CHN2: variants seen among roughly 807,000 people sequenced by gnomAD.
CHN2 encodes the protein chimerin 2.
In CHN2, 35 loss-of-function variants were observed where a neutral mutation model predicts 56.3. The observed-to-expected ratio is 0.62, with a 90% CI of 0.47 to 0.82. CHN2 has a LOEUF of 0.82. Ranked by LOEUF, CHN2 falls within the 40% of genes least tolerant of loss-of-function variation. CHN2 has a pLI of 0.00. For missense variants in CHN2, 491 were observed against 580.5 expected, an observed-to-expected ratio of 0.85 and a Z score of 1.58; for synonymous variants, 210 against 212.8, an observed-to-expected ratio of 0.99 and a Z score of 0.12.
At chr7:29,496,152 G>A (rs895774473) in intron 8 of CHN2, 116 bp downstream of exon 8, 12 of 775,868 alleles carry the variant, frequency 1.5e-5, no homozygotes, top group Non-Finnish European at 2.4e-5. Flanking sequence ...CTAGCCTTCT[G>A]CAGGGTTCAA....
chr7:29,281,455 A>T (rs760379735), intron 1 of CHN2, among the ~76,000 whole-genome samples: 4 of 152,198 alleles, frequency 2.6e-5, no homozygotes, highest in Admixed American at 6.5e-5. Context: ...TTTCACACAC[A>T]TGTGAGTGTA....
chr7:29,492,389 T>C (rs1788762490), intron 7 of CHN2, among the ~76,000 whole-genome samples: 1 of 152,202 alleles, frequency 6.6e-6, no homozygotes, highest in Non-Finnish European at 1.5e-5. Flanking sequence ...ATTTAGCTTT[T>C]TTTTAATCTG....
intron 7 of CHN2, chr7:29,483,794 C>T (rs371977194): frequency 8.7e-6 from 10 of 1,148,860 alleles, no homozygotes; most frequent in Non-Finnish European, 7.6e-6. Flanking sequence ...TCGGCTTGCT[C>T]GGCTTCCTGC....
intron 6 of CHN2, among the ~76,000 whole-genome samples, chr7:29,426,605 G>T (rs184219705): frequency 6.6e-6 from 1 of 152,222 alleles, no homozygotes; most frequent in Non-Finnish European, 1.5e-5. Context: ...GTTTTCTATT[G>T]CTGTGTAACA....
intron 1 of CHN2, among the ~76,000 whole-genome samples, chr7:29,331,017 CAG>C (rs2128903807): frequency 6.6e-6 from 1 of 152,304 alleles, no homozygotes; most frequent in South Asian, 2.1e-4. Context: ...GGAACAGAGA[CAG>C]AGTTATGGAA....
At chr7:29,353,815 A>G (rs1040175315) in intron 1 of CHN2, among the ~76,000 whole-genome samples, 1 of 152,164 alleles carries the variant, frequency 6.6e-6, no homozygotes, top group Non-Finnish European at 1.5e-5. Context: ...TTGGAAAAAA[A>G]GGATTTTTTT....
At chr7:29,345,089 C>T (rs1216626992) in intron 1 of CHN2, among the ~76,000 whole-genome samples, 1 of 152,198 alleles carries the variant, frequency 6.6e-6, no homozygotes, top group Non-Finnish European at 1.5e-5. Flanking sequence ...CTGGGCTCCC[C>T]TCTCCAGGCC....
chr7:29,449,195 C>T (rs1784231996), intron 6 of CHN2, among the ~76,000 whole-genome samples: 1 of 152,024 alleles, frequency 6.6e-6, no homozygotes, highest in African/African-American at 2.4e-5. Flanking sequence ...AGCAGAACAA[C>T]TTAGGAATTG....
chr7:29,501,426 T>G (rs551835862), intron 9 of CHN2, among the ~76,000 whole-genome samples: 12 of 152,224 alleles, frequency 7.9e-5, no homozygotes, highest in Admixed American at 2.6e-4. Flanking sequence ...GCCCTGCAGT[T>G]TGGGGTCAGA....
chr7:29,507,394 C>A, intron 11 of CHN2, 29 bp downstream of exon 11: 1 of 1,550,942 alleles, frequency 6.4e-7, no homozygotes, highest in Non-Finnish European at 8.8e-7. Flanking sequence ...TTTTTTATTT[C>A]TACCAAATTT....
rs541792526 is a variant in CHN2, at chr7:29,442,934, C to CTTTTTTTTTTTTTTTTTTTTTTTT, written c.577-37328_577-37327insTTTTTTTTTTTTTTTTTTTTTTTT. On this transcript the variant is annotated intron_variant, in intron 6 of 12. Transcript: ENST00000222792. ...CATCGCTTTCAATTTCATTGAATTT[C>CTTTTTTTTTTTTTTTTTTTTTTTT]TTTTTTTTTTTTTTTTTGAGACGGA... Among the ~76,000 whole-genome samples, 33 of 103,056 alleles carry CTTTTTTTTTTTTTTTTTTTTTTTT rather than the reference C, an allele frequency of 3.2e-4. 3 individuals are homozygous for CTTTTTTTTTTTTTTTTTTTTTTTT. The highest frequency in any genetic ancestry group is 6.4e-4 in the South Asian group (2 of 3,120). 67.6% of individuals were successfully genotyped at this position (103,056 alleles called of 152,430 possible). A position where few individuals can be genotyped will look rare whatever the true frequency, so the allele number is the denominator to read the frequency against.
At chr7:29,403,598 C>T (rs952758736) in intron 6 of CHN2, among the ~76,000 whole-genome samples, 18 of 151,976 alleles carry the variant, frequency 1.2e-4, no homozygotes, top group African/African-American at 4.1e-4. Flanking sequence ...AGATTTCTCT[C>T]CAGTCATGAT....
intron 1 of CHN2, among the ~76,000 whole-genome samples, chr7:29,299,889 C>T (rs1185485674): frequency 1.3e-5 from 2 of 152,012 alleles, no homozygotes; most frequent in East Asian, 3.9e-4. Flanking sequence ...TCAGGGAAGA[C>T]CTGGAGGATG....
chr7:29,184,879 C>T (rs245918), intron 2 of CHN2, among the ~76,000 whole-genome samples: 3,827 of 152,248 alleles, frequency 0.025, 69 homozygotes, highest in Middle Eastern at 0.041. Context: ...CTTTCAATGC[C>T]AGCCCTGAGG....
intron 1 of CHN2, among the ~76,000 whole-genome samples, chr7:29,221,682 G>T (rs1432708440): frequency 1.3e-5 from 2 of 152,132 alleles, no homozygotes; most frequent in Non-Finnish European, 2.9e-5. Context: ...TCATTGTTCA[G>T]CTCCTATTTA....
intron 6 of CHN2, among the ~76,000 whole-genome samples, chr7:29,408,868 G>T (rs908282266): frequency 2.0e-5 from 3 of 152,192 alleles, no homozygotes; most frequent in Admixed American, 6.5e-5. Flanking sequence ...AACCCTCCTT[G>T]TCCCCATCCA....
chr7:29,409,348 TATTA>T (rs1299879132), intron 6 of CHN2, among the ~76,000 whole-genome samples: 1 of 152,224 alleles, frequency 6.6e-6, no homozygotes, highest in African/African-American at 2.4e-5. Context: ...CTAAAATATT[TATTA>T]ATTCTTTCAA....
intron 6 of CHN2, among the ~76,000 whole-genome samples, chr7:29,413,558 A>G (rs1448497522): frequency 2.6e-5 from 4 of 152,236 alleles, no homozygotes; most frequent in African/African-American, 9.6e-5. Context: ...TTTTTAATCT[A>G]TCATAAACTA....
At chr7:29,450,626 A>T (rs1261849818) in intron 6 of CHN2, among the ~76,000 whole-genome samples, 1 of 152,184 alleles carries the variant, frequency 6.6e-6, no homozygotes, top group African/African-American at 2.4e-5. Flanking sequence ...AGCCCCAAAA[A>T]TTCTTTTCAC....
Sources: gnomAD v4.1 joint callset for allele counts (sites outside exome capture counted in the v4.1 genomes callset) on GRCh38, gnomAD v4.1.1 for gene constraint, MANE v1.5 for transcripts, NCBI Gene and HGNC (gene_info 2026-07-23, HGNC 2026-07-21) for gene names.